The following PCDHA13 variants were observed in gnomAD, a reference collection of about 807,000 sequenced individuals.
PCDHA13 encodes the protein protocadherin alpha-13.
Under a neutral mutation model 64.8 loss-of-function variants are expected in PCDHA13, and 54 were observed. That is an observed-to-expected ratio of 0.83 (90% CI 0.67 to 1.04). PCDHA13 has a LOEUF of 1.04. PCDHA13 is among the 50% of genes least tolerant of loss of function. The pLI, the probability that PCDHA13 is intolerant of heterozygous loss-of-function variation, is 0.00. For synonymous variants in PCDHA13, 587 were observed against 564.4 expected (o/e 1.04, Z -0.57); for missense variants, 1,248 against 1,254.3 (o/e 0.99, Z 0.08).
chr5:140,923,963 A>G (rs1172303229), intron 1 of PCDHA13, among the ~76,000 whole-genome samples: 1 of 152,188 alleles, frequency 6.6e-6, no homozygotes, highest in African/African-American at 2.4e-5. Context: ...CCTAATCTAT[A>G]CCCACACATA....
intron 1 of PCDHA13, among the ~76,000 whole-genome samples, chr5:140,921,929 A>G (rs2080500807): frequency 6.6e-6 from 1 of 152,244 alleles, no homozygotes; most frequent in East Asian, 1.9e-4. Flanking sequence ...CTTATAGTCA[A>G]TATAATTTTA....
chr5:140,911,480 G>A (rs2075504387), intron 1 of PCDHA13, among the ~76,000 whole-genome samples: 1 of 152,142 alleles, frequency 6.6e-6, no homozygotes, highest in African/African-American at 2.4e-5. Flanking sequence ...CTCTCACTCA[G>A]GGCAATCTTA....
In PCDHA13 at chr5:140,884,521, G is replaced by A. The variant is rs569278761; in HGVS notation, c.2253G>A (p.Ser751=). The change falls in exon 1 of 4, where the codon TCG becomes TCA. Residue 751 remains serine (S), a synonymous_variant. Transcript: ENST00000289272. ...CSSAAGSWSY[S]QQRRPRVCSG... is the part of the protein sequence containing the mutation. ...GCGCGGCAGGGAGTTGGTCGTACTCGCAGCAGAGGCGGCCGAGGGTGTGCT... is the reference window on the plus strand; with the variant it reads ...GCGCGGCAGGGAGTTGGTCGTACTCACAGCAGAGGCGGCCGAGGGTGTGCT... 8.1e-6 allele frequency: 13 copies of A among 1,614,196 alleles called. No homozygotes were observed. In the East Asian group the frequency reaches 2.0e-4, roughly 25 times the overall value.
At chr5:140,899,884 T>C (rs1467670856) in intron 1 of PCDHA13, among the ~76,000 whole-genome samples, 17 of 152,152 alleles carry the variant, frequency 1.1e-4, no homozygotes, top group African/African-American at 3.9e-4. Flanking sequence ...CAGAACTCAG[T>C]GCAGCCTTGA....
intron 3 of PCDHA13, among the ~76,000 whole-genome samples, chr5:140,990,798 A>G (rs1554251753): frequency 6.6e-6 from 1 of 152,208 alleles, no homozygotes; most frequent in Admixed American, 6.5e-5. Context: ...ACCATGGAAT[A>G]CAGAAGAAGC....
intron 3 of PCDHA13, among the ~76,000 whole-genome samples, chr5:140,987,224 A>AT (rs34154612): frequency 0.031 from 4,713 of 152,034 alleles, 257 homozygotes; most frequent in African/African-American, 0.11. Context: ...AAAAAAAAAA[A>AT]AAATAATAAA....
chr5:140,987,005 T>C (rs1587197864), intron 3 of PCDHA13, among the ~76,000 whole-genome samples: 1 of 152,008 alleles, frequency 6.6e-6, no homozygotes. Context: ...CTTGAGGTCA[T>C]GAGTTCGAGA....
chr5:141,001,395 A>G (rs1331071816), intron 3 of PCDHA13, among the ~76,000 whole-genome samples: 1 of 152,202 alleles, frequency 6.6e-6, no homozygotes. Flanking sequence ...TCCTACAGAG[A>G]ACAGGGAGTA....
At chr5:141,002,583 C>T (rs781898349) in intron 3 of PCDHA13, among the ~76,000 whole-genome samples, 6 of 152,176 alleles carry the variant, frequency 3.9e-5, no homozygotes, top group Non-Finnish European at 7.3e-5. Context: ...GACCATTAGT[C>T]CTTAGTCCCC....
At chr5:140,978,424 TCA>T (rs2096801674) in intron 1 of PCDHA13, among the ~76,000 whole-genome samples, 1 of 152,238 alleles carries the variant, frequency 6.6e-6, no homozygotes, top group Non-Finnish European at 1.5e-5. Flanking sequence ...GAGACTGTTA[TCA>T]GTTGCTGGTG....
chr5:140,935,550 C>G (rs1419018426), intron 1 of PCDHA13, among the ~76,000 whole-genome samples: 2 of 152,156 alleles, frequency 1.3e-5, no homozygotes, highest in African/African-American at 4.8e-5. Flanking sequence ...TTTAAAGTAT[C>G]TTGGAAAAGT....
intron 1 of PCDHA13, among the ~76,000 whole-genome samples, chr5:140,965,255 G>C (rs1426270395): frequency 1.3e-5 from 2 of 152,196 alleles, no homozygotes; most frequent in Non-Finnish European, 2.9e-5. Context: ...ATTCAGAACT[G>C]AGCAGCAGAG....
At chr5:140,965,113 G>C (rs1343720863) in intron 1 of PCDHA13, among the ~76,000 whole-genome samples, 1 of 152,218 alleles carries the variant, frequency 6.6e-6, no homozygotes, top group Non-Finnish European at 1.5e-5. Context: ...ATGACCCATA[G>C]AGGAAGATCT....
At chr5:140,987,239 G>T (rs1005484275) in intron 3 of PCDHA13, among the ~76,000 whole-genome samples, 6 of 151,586 alleles carry the variant, frequency 4.0e-5, no homozygotes, top group East Asian at 1.9e-4. Flanking sequence ...AATAAATAAA[G>T]AAAGAAAGAC....
At chr5:140,895,207 T>C (rs1392562241) in intron 1 of PCDHA13, among the ~76,000 whole-genome samples, 2 of 152,208 alleles carry the variant, frequency 1.3e-5, no homozygotes, top group Non-Finnish European at 2.9e-5. Context: ...TTTGCTTTTA[T>C]TTCTAATATT....
At chr5:140,942,731 T>C (rs1404765148) in intron 1 of PCDHA13, among the ~76,000 whole-genome samples, 4 of 152,052 alleles carry the variant, frequency 2.6e-5, no homozygotes, top group Non-Finnish European at 5.9e-5. Flanking sequence ...TGTTGAAAAA[T>C]ATTTTAAAAT....
Position 140,883,937 on chromosome 5 carries a change from G to C in PCDHA13, c.1669G>C (p.Asp557His). ...SNVTLQVFVLDENDNAPALLT... is the reference protein window; with the variant it reads ...SNVTLQVFVLHENDNAPALLT... ...CGTGACGCTGCAGGTGTTCGTGCTGGACGAGAACGACAACGCTCCGGCGCT... is the reference window on the plus strand; with the variant it reads ...CGTGACGCTGCAGGTGTTCGTGCTGCACGAGAACGACAACGCTCCGGCGCT... Residue 557 changes from aspartate (D) to histidine (H), a missense_variant, in exon 1 of 4, where the codon GAC becomes CAC. Coordinates refer to ENST00000289272, the MANE Select transcript of PCDHA13 (RefSeq NM_018904.3). The C allele has an allele frequency of 1.9e-6, 3 of 1,613,414 alleles. No individual in the cohort carries two copies. Among genetic ancestry groups the C allele is most frequent in the Non-Finnish European group, 2.5e-6 (3 of 1,179,850 alleles).
At chr5:140,905,635 A>T (rs2071990855) in intron 1 of PCDHA13, among the ~76,000 whole-genome samples, 1 of 152,206 alleles carries the variant, frequency 6.6e-6, no homozygotes, top group Non-Finnish European at 1.5e-5. Context: ...CAGTATGGTC[A>T]GTTTCACAGT....
intron 1 of PCDHA13, among the ~76,000 whole-genome samples, chr5:140,952,513 A>G (rs533436826): frequency 6.6e-6 from 1 of 152,028 alleles, no homozygotes; most frequent in Non-Finnish European, 1.5e-5. Flanking sequence ...CCTCATCTCC[A>G]TCTGAGACCT....
Sources: gnomAD v4.1 joint callset for allele counts (sites outside exome capture counted in the v4.1 genomes callset) on GRCh38, gnomAD v4.1.1 for gene constraint, MANE v1.5 for transcripts, NCBI Gene and HGNC (gene_info 2026-07-23, HGNC 2026-07-21) for gene names.